PTPRA: variants seen among roughly 807,000 people sequenced by gnomAD.
PTPRA encodes the protein receptor-type tyrosine-protein phosphatase alpha.
In PTPRA, 25 loss-of-function variants were observed where a neutral mutation model predicts 104.8. That is an observed-to-expected ratio of 0.24 (90% CI 0.17 to 0.33). PTPRA has a LOEUF of 0.33. PTPRA is among the 10% of genes least tolerant of loss of function. The pLI is 1.00. For synonymous variants in PTPRA, 323 were observed against 368.9 expected, an observed-to-expected ratio of 0.88 and a Z score of 1.43; for missense variants, 765 against 1,015.3, an observed-to-expected ratio of 0.75 and a Z score of 3.35.
chr20:2,864,189 A>G, the PTPRA span: 1 of 1,614,178 alleles, frequency 6.2e-7, no homozygotes, highest in African/African-American at 1.3e-5. This position sits in a 1 kb window ranked among gnomAD's most constrained non-coding sequence, Gnocchi z 5.2. Context: ...CTGCTGGAGT[A>G]TGAGCCACGC....
intron 2 of PTPRA, among the ~76,000 whole-genome samples, chr20:2,943,811 A>G (rs2061019084): frequency 6.6e-6 from 1 of 152,188 alleles, no homozygotes; most frequent in African/African-American, 2.4e-5. Context: ...ACTCTTCTTG[A>G]TATCCTGCAA....
At chr20:2,910,590 T>TAA (rs1345816949) in intron 1 of PTPRA, among the ~76,000 whole-genome samples, 1 of 46,220 alleles carries the variant, frequency 2.2e-5, no homozygotes, top group African/African-American at 2.4e-4. Context: ...TTTTTTTTTG[T>TAA]TTTTTTTTTG....
At chr20:2,949,583 T>C (rs769500004) in intron 3 of PTPRA, among the ~76,000 whole-genome samples, 4 of 152,154 alleles carry the variant, frequency 2.6e-5, no homozygotes, top group Non-Finnish European at 5.9e-5. Context: ...TGAGCCACTG[T>C]GCCTGGCCAA....
chr20:3,003,445 A>G lies in PTPRA; in HGVS notation c.739-1611A>G, dbSNP rs114103397. Among the ~76,000 whole-genome samples, 849 of 152,326 alleles carry G rather than the reference A, an allele frequency of 5.6e-3. 7 individuals are homozygous for G. Among genetic ancestry groups the G allele is most frequent in the African/African-American group, 0.019 (796 of 41,564 alleles). The stretch of plus-strand genomic sequence containing the variant: ...CTCAAAATTGAAGTTGCTAGGCCAA[A>G]AAGTATTTTTGAAAAGTTTTTTTAA... On this transcript the variant is annotated intron_variant, in intron 9 of 23. Coordinates refer to ENST00000399903, the MANE Select transcript of PTPRA (RefSeq NM_001385305.1).
chr20:2,866,048 G>C, the PTPRA span: 1 of 658,232 alleles, frequency 1.5e-6, no homozygotes, highest in Non-Finnish European at 2.7e-6. Context: ...AGAATGTTGA[G>C]ATCACAACTG....
At chr20:2,915,983 A>AT (rs2059891226) in intron 1 of PTPRA, among the ~76,000 whole-genome samples, 2 of 152,190 alleles carry the variant, frequency 1.3e-5, no homozygotes, top group Non-Finnish European at 2.9e-5. Flanking sequence ...CCAAAAAAAT[A>AT]ATAACAATAA....
At chr20:2,936,816 T>G (rs1294202232) in intron 2 of PTPRA, among the ~76,000 whole-genome samples, 1 of 152,130 alleles carries the variant, frequency 6.6e-6, no homozygotes, top group Non-Finnish European at 1.5e-5. Context: ...CTAATTTCTT[T>G]TCGTTGGTAT....
rs1361161528 is a variant in PTPRA, at chr20:2,909,974, AATCT to A, written c.-128-13229_-128-13226del. Among the ~76,000 whole-genome samples the A allele has an allele frequency of 1.3e-3, 150 of 111,848 alleles. 1 individual carries two copies. Among genetic ancestry groups the A allele is most frequent in the African/African-American group, 6.0e-3 (141 of 23,448 alleles). The allele number at this position is 111,848 out of a possible 152,430, so 73.4% of individuals were successfully genotyped here. A position where few individuals can be genotyped will look rare whatever the true frequency, so the allele number is the denominator to read the frequency against. On this transcript the variant is annotated intron_variant, in intron 1 of 23. Transcript: ENST00000399903. ...ATATTATAATATATGATATATATAT[AATCT>A]ATCATATATCATATATATAATCTAT...
rs1453197534 is a variant in PTPRA, at chr20:3,037,417, C to T, written c.2334+128C>T. The T allele has an allele frequency of 7.2e-7, 1 of 1,387,472 alleles. No individual in the cohort carries two copies. The highest frequency in any genetic ancestry group is 9.7e-7 in the Non-Finnish European group (1 of 1,026,812). 85.9% of individuals were successfully genotyped at this position (1,387,472 alleles called of 1,614,324 possible). A position where few individuals can be genotyped will look rare whatever the true frequency, so the allele number is the denominator to read the frequency against. On this transcript the variant is annotated intron_variant, in intron 23 of 23. Coordinates refer to ENST00000399903, the MANE Select transcript of PTPRA (RefSeq NM_001385305.1). This position sits in a 1 kb window ranked among gnomAD's most constrained non-coding sequence, Gnocchi z 4.3. ...TAAACACAGACCTGCCCTTGCCCTCCCAAGGTGCCCCAAATACACAGGAAA... is the reference window on the plus strand; with the variant it reads ...TAAACACAGACCTGCCCTTGCCCTCTCAAGGTGCCCCAAATACACAGGAAA...
chr20:3,032,833 G>A lies in PTPRA; in HGVS notation c.1921-2752G>A, dbSNP rs560342073. Among the ~76,000 whole-genome samples the A allele has an allele frequency of 1.5e-4, 22 of 149,788 alleles. 1 individual carries two copies. In the South Asian group the frequency reaches 4.6e-3, roughly 32 times the overall value. ...TGTTCGCTCTGTTCCTTCCAGGCTT[G>A]GCCCCACTGGGACTGCTTTAGTCAA... On this transcript the variant is annotated intron_variant, in intron 20 of 23. Transcript: ENST00000399903.
intron 5 of PTPRA, among the ~76,000 whole-genome samples, chr20:2,974,578 C>G (rs1438763348): frequency 6.6e-6 from 1 of 152,142 alleles, no homozygotes; most frequent in Non-Finnish European, 1.5e-5. Context: ...AGGCACCCAC[C>G]ACCACGCCCA....
rs1410776139 is a variant in PTPRA, at chr20:2,873,771, G to A, written c.-129+11G>A. 1.3e-5 allele frequency: 2 copies of A among 152,000 alleles called. No homozygotes were observed. Among genetic ancestry groups the A allele is most frequent in the African/African-American group, 4.8e-5 (2 of 41,422 alleles). 9.4% of individuals were successfully genotyped at this position (152,000 alleles called of 1,614,324 possible). On this transcript the variant is annotated intron_variant, in intron 1 of 23. Transcript: ENST00000399903. This position sits in a 1 kb window ranked among gnomAD's most constrained non-coding sequence, Gnocchi z 4.4. ...CCAACGCCCGACTCTGTGAGTGTTC[G>A]CGGCCGCTGCGCCCGGGTGGGCTCC...
chr20:2,869,502 C>CT (rs1355862220), upstream of PTPRA, among the ~76,000 whole-genome samples: 1 of 152,184 alleles, frequency 6.6e-6, no homozygotes, highest in Non-Finnish European at 1.5e-5. Flanking sequence ...TGTGAGATGC[C>CT]TTCTGCCCTG....
At chr20:2,916,251 G>T (rs534964233) in intron 1 of PTPRA, among the ~76,000 whole-genome samples, 1 of 152,066 alleles carries the variant, frequency 6.6e-6, no homozygotes, top group African/African-American at 2.4e-5. Context: ...TTATTGCCTA[G>T]GCTGGTCTTA....
chr20:3,020,080 G>A (rs968019348), intron 13 of PTPRA, among the ~76,000 whole-genome samples: 19 of 152,200 alleles, frequency 1.2e-4, no homozygotes, highest in Middle Eastern at 3.4e-3. Flanking sequence ...GAGGGAGAGG[G>A]AGACCGTGGG....
At chr20:2,872,378 A>G (rs2146705923), upstream of PTPRA, among the ~76,000 whole-genome samples, 2 of 152,252 alleles carry the variant, frequency 1.3e-5, no homozygotes, top group Admixed American at 1.3e-4. The surrounding 1 kb of genome is among the most constrained non-coding windows in gnomAD (Gnocchi z 7.9). Flanking sequence ...CCCGGTCTGG[A>G]GGAGAGACTC....
chr20:2,966,349 A>G (rs6084222), intron 5 of PTPRA, among the ~76,000 whole-genome samples: 24,343 of 152,276 alleles, frequency 0.16, 2,291 homozygotes, highest in South Asian at 0.31. Context: ...AATGAGTGAT[A>G]GTAATAGTTC....
chr20:2,890,769 G>A (rs2058762916), intron 1 of PTPRA, among the ~76,000 whole-genome samples: 1 of 152,024 alleles, frequency 6.6e-6, no homozygotes, highest in African/African-American at 2.4e-5. Context: ...CTATCTTTGT[G>A]GCCACTCCTC....
intron 12 of PTPRA, 148 bp downstream of exon 12, chr20:3,016,033 C>T (rs1213534098): frequency 2.6e-6 from 2 of 757,282 alleles, no homozygotes; most frequent in Non-Finnish European, 2.1e-6. Flanking sequence ...ATCCATTATA[C>T]AGGTTTACAG....
Sources: gnomAD v4.1 joint callset for allele counts (sites outside exome capture counted in the v4.1 genomes callset) on GRCh38, gnomAD v4.1.1 for gene constraint, Gnocchi (gnomAD v3.1) non-coding constraint, MANE v1.5 for transcripts, NCBI Gene and HGNC (gene_info 2026-07-23, HGNC 2026-07-21) for gene names.